The following TINAG variants were observed in gnomAD, a reference collection of about 807,000 sequenced individuals.
TINAG encodes tubulointerstitial nephritis antigen.
TINAG carries 83 observed loss-of-function variants against 72.7 expected under a neutral mutation model. That is an observed-to-expected ratio of 1.14 (90% CI 0.96 to 1.37). TINAG has a LOEUF of 1.37. TINAG is among the 40% of genes most tolerant of loss of function. The pLI is 0.00. For synonymous variants in TINAG, 234 were observed against 189.9 expected, an observed-to-expected ratio of 1.23 and a Z score of -1.91; for missense variants, 685 against 576.6, an observed-to-expected ratio of 1.19 and a Z score of -1.93.
intron 9 of TINAG, among the ~76,000 whole-genome samples, chr6:54,373,239 T>C (rs1763684939): frequency 6.6e-6 from 1 of 152,046 alleles, no homozygotes; most frequent in Non-Finnish European, 1.5e-5. Context: ...CATCACTAGT[T>C]TGATCTTCCT....
At position 54,388,014 on chromosome 6, in the gene TINAG, C is replaced by T. The variant is rs529000009; in HGVS notation, c.1297-1777C>T. ...ATAAATGCACATTTGCTTATACAAT[C>T]TTTATATACCTTTCCCATATTTACC... On this transcript the variant is annotated intron_variant, in intron 10 of 10. Coordinates refer to ENST00000259782, the MANE Select transcript of TINAG (RefSeq NM_014464.4). Among the ~76,000 whole-genome samples, 5 of 152,150 alleles carry T rather than the reference C, an allele frequency of 3.3e-5. 1 individual carries two copies. Among genetic ancestry groups the T allele is most frequent in the Admixed American group, 3.3e-4 (5 of 15,266 alleles).
intron 9 of TINAG, among the ~76,000 whole-genome samples, chr6:54,368,049 G>T (rs7750323): frequency 1.3e-5 from 2 of 151,380 alleles, no homozygotes; most frequent in African/African-American, 4.8e-5. Flanking sequence ...TTTCAACATA[G>T]GAATTTTGGG....
intron 9 of TINAG, among the ~76,000 whole-genome samples, chr6:54,376,609 C>T (rs1763789841): frequency 6.6e-6 from 1 of 152,006 alleles, no homozygotes; most frequent in Non-Finnish European, 1.5e-5. Flanking sequence ...CTAGGCATAA[C>T]TTAAAATAGG....
At chr6:54,367,121 A>G (rs1763456436) in intron 9 of TINAG, 1 of 151,718 alleles carries the variant, frequency 6.6e-6, no homozygotes, top group South Asian at 2.1e-4. Context: ...TTACAGTGTA[A>G]ATTCTAAGAC....
intron 9 of TINAG, among the ~76,000 whole-genome samples, chr6:54,371,358 T>C (rs1414592129): frequency 6.6e-6 from 1 of 152,018 alleles, no homozygotes; most frequent in East Asian, 1.9e-4. Flanking sequence ...CCCTCTGTCT[T>C]ATTGTGAGGA....
intron 10 of TINAG, among the ~76,000 whole-genome samples, chr6:54,380,958 TCCTATAGGATATAA>T (rs1446408347): frequency 6.8e-6 from 1 of 147,648 alleles, no homozygotes; most frequent in Non-Finnish European, 1.5e-5. Flanking sequence ...TGTATATATA[TCCTATAGGATATAA>T]CCTATAGGAT....
intron 5 of TINAG, among the ~76,000 whole-genome samples, chr6:54,343,636 AAAT>A (rs1387406099): frequency 2.6e-5 from 4 of 151,928 alleles, no homozygotes; most frequent in African/African-American, 9.7e-5. Context: ...AGTTAAGGCC[AAAT>A]AATAAAAAAG....
upstream of TINAG, chr6:54,308,226 G>A (rs907897294): frequency 9.7e-6 from 10 of 1,031,978 alleles, 1 homozygote; most frequent in African/African-American, 1.1e-4. Flanking sequence ...TTTTTTGAGA[G>A]GCATGCAATA....
chr6:54,338,709 G>A (rs1243194436), intron 4 of TINAG, among the ~76,000 whole-genome samples: 1 of 104,704 alleles, frequency 9.6e-6, no homozygotes, highest in Non-Finnish European at 1.7e-5. Context: ...GACAGAGCAA[G>A]ACTCTGTCTC....
At chr6:54,343,112 T>C in intron 4 of TINAG, 114 bp from the exon 5 acceptor site, 1 of 951,314 alleles carries the variant, frequency 1.1e-6, no homozygotes, top group Non-Finnish European at 1.4e-6. Context: ...ATCTGGAAAC[T>C]TGGATGTATA....
chr6:54,384,526 C>A (rs1329470022), intron 10 of TINAG, among the ~76,000 whole-genome samples: 3 of 151,798 alleles, frequency 2.0e-5, no homozygotes, highest in African/African-American at 7.3e-5. Flanking sequence ...TCAACAACAA[C>A]AATAAAAAAG....
At chr6:54,384,145 T>G (rs1000563819) in intron 10 of TINAG, among the ~76,000 whole-genome samples, 1 of 151,450 alleles carries the variant, frequency 6.6e-6, no homozygotes, top group Non-Finnish European at 1.5e-5. Context: ...TAAGTGAGAG[T>G]TGAACAATGA....
chr6:54,354,212 T>C (rs1292399986), intron 8 of TINAG, among the ~76,000 whole-genome samples: 2 of 151,922 alleles, frequency 1.3e-5, no homozygotes, highest in East Asian at 1.9e-4. Context: ...CCAAGTATAG[T>C]ATGCTTTTGT....
chr6:54,322,138 C>G (rs1174181120), intron 3 of TINAG, among the ~76,000 whole-genome samples: 1 of 151,998 alleles, frequency 6.6e-6, no homozygotes, highest in Non-Finnish European at 1.5e-5. Context: ...GACCCCATCT[C>G]TACTAAAAAT....
chr6:54,358,858 G>C lies in TINAG; in HGVS notation c.1250+4222G>C, dbSNP rs9464061. Among the ~76,000 whole-genome samples the C allele has an allele frequency of 8.9e-3, 1,345 of 151,868 alleles. 23 individuals are homozygous for C. Among genetic ancestry groups the C allele is most frequent in the African/African-American group, 0.031 (1,280 of 41,498 alleles). ...TCAGCTGACCTCCAGTGGGTAGTAC[G>C]GGAAGGGATTGACATCTGATCGCAT... On this transcript the variant is annotated intron_variant, in intron 9 of 10. Coordinates refer to ENST00000259782, the MANE Select transcript of TINAG (RefSeq NM_014464.4).
intron 9 of TINAG, among the ~76,000 whole-genome samples, chr6:54,362,926 C>A (rs1763285467): frequency 6.6e-6 from 1 of 151,378 alleles, no homozygotes; most frequent in African/African-American, 2.4e-5. Context: ...AGAAGTAGAG[C>A]CTGAAGTTTT....
chr6:54,336,011 C>A (rs1157499925), intron 4 of TINAG, among the ~76,000 whole-genome samples: 1 of 151,968 alleles, frequency 6.6e-6, no homozygotes, highest in Non-Finnish European at 1.5e-5. Flanking sequence ...AGCCATGAGT[C>A]ATCCTGAATT....
At chr6:54,309,643 G>A (rs1784193820) in intron 1 of TINAG, among the ~76,000 whole-genome samples, 1 of 152,094 alleles carries the variant, frequency 6.6e-6, no homozygotes, top group South Asian at 2.1e-4. Context: ...GAGCATAGAT[G>A]AGGCTTTATT....
At chr6:54,359,071 T>C (rs1026099567) in intron 9 of TINAG, among the ~76,000 whole-genome samples, 1 of 151,858 alleles carries the variant, frequency 6.6e-6, no homozygotes, top group Non-Finnish European at 1.5e-5. Flanking sequence ...AACAAAGTTG[T>C]GTTTTGAAAT....
Sources: gnomAD v4.1 joint callset for allele counts (sites outside exome capture counted in the v4.1 genomes callset) on GRCh38, gnomAD v4.1.1 for gene constraint, MANE v1.5 for transcripts, NCBI Gene and HGNC (gene_info 2026-07-23, HGNC 2026-07-21) for gene names.